JDP2: variants seen among roughly 807,000 people sequenced by gnomAD.
The protein encoded by JDP2 is Jun dimerization protein 2.
In JDP2, 9 loss-of-function variants were observed where a neutral mutation model predicts 17.1. That is an observed-to-expected ratio of 0.53 (90% CI 0.32 to 0.92). The LOEUF is 0.92. JDP2 is among the 40% of genes least tolerant of loss of function. The probability of loss-of-function intolerance (pLI) is 0.04; values close to 1 mark genes in which losing one functional copy is unlikely to be tolerated. For missense variants in JDP2, 179 were observed against 220.0 expected (o/e 0.81, Z 1.18); for synonymous variants, 107 against 95.6 (o/e 1.12, Z -0.69).
intron 2 of JDP2, among the ~76,000 whole-genome samples, chr14:75,449,016 C>T (rs989889914): frequency 3.3e-5 from 5 of 152,196 alleles, no homozygotes; most frequent in Non-Finnish European, 5.9e-5. Context: ...TGGCTGTGAA[C>T]GGTTTGGCCC....
At chr14:75,456,900 C>G (rs557761406) in intron 2 of JDP2, among the ~76,000 whole-genome samples, 1 of 152,178 alleles carries the variant, frequency 6.6e-6, no homozygotes, top group African/African-American at 2.4e-5. Flanking sequence ...CTGCTCTGCA[C>G]GAGGGCCCTC....
At chr14:75,446,913 A>C (rs936489802) in intron 2 of JDP2, among the ~76,000 whole-genome samples, 6 of 152,246 alleles carry the variant, frequency 3.9e-5, no homozygotes, top group Admixed American at 3.9e-4. Flanking sequence ...CAAATCCCCC[A>C]GTATGTAACA....
chr14:75,450,493 A>T (rs1016030811), intron 2 of JDP2, among the ~76,000 whole-genome samples: 2 of 152,234 alleles, frequency 1.3e-5, no homozygotes, highest in Non-Finnish European at 2.9e-5. Context: ...GCCCCCAGCC[A>T]TGGGAGCCGA....
At chr14:75,463,881 C>A (rs1886451022) in intron 3 of JDP2, among the ~76,000 whole-genome samples, 2 of 152,154 alleles carry the variant, frequency 1.3e-5, no homozygotes, top group South Asian at 4.1e-4. Context: ...ACAAGTGCTG[C>A]TCTAGGATGA....
chr14:75,465,589 C>T lies in JDP2; in HGVS notation c.307-3701C>T, dbSNP rs571142344. ...AAGTGATCCTCCTACCTCGGCCTCC[C>T]AAAGTTCTGGGATTACAGGTGTGAG... On this transcript the variant is annotated intron_variant, in intron 3 of 3. Transcript: ENST00000651602. Among the ~76,000 whole-genome samples the T allele has an allele frequency of 6.6e-5, 10 of 152,290 alleles. No individual in the cohort carries two copies. The South Asian group carries it at 1.9e-3, about 28-fold the overall frequency.
chr14:75,440,110 G>A (rs1458740059), intron 2 of JDP2, among the ~76,000 whole-genome samples: 1 of 152,196 alleles, frequency 6.6e-6, no homozygotes, highest in Non-Finnish European at 1.5e-5. Context: ...GGTGGCATCT[G>A]CCCTGTACCC....
In JDP2 at chr14:75,471,648, C is replaced by T. The variant is rs971020306; in HGVS notation, c.*2173C>T. ...TGTGATCCCTCCCTCGCTCACTCCTCTCAGTTTCCCTCCACCCAACACACT... is the reference window on the plus strand; with the variant it reads ...TGTGATCCCTCCCTCGCTCACTCCTTTCAGTTTCCCTCCACCCAACACACT... On this transcript the variant is annotated 3_prime_UTR_variant, in exon 4 of 4. Coordinates refer to ENST00000651602, the MANE Select transcript of JDP2 (RefSeq NM_001135048.2). The T allele has an allele frequency of 6.6e-6, 1 of 152,322 alleles. No individual in the cohort carries two copies. The highest frequency in any genetic ancestry group is 1.9e-4 in the East Asian group (1 of 5,186). The allele number at this position is 152,322 out of a possible 1,614,324, so 9.4% of individuals were successfully genotyped here. A position where few individuals can be genotyped will look rare whatever the true frequency, so the allele number is the denominator to read the frequency against.
Position 75,430,283 on chromosome 14 carries a change from A to C in JDP2, c.-24+2031A>C, listed in dbSNP as rs61979240. ...GTTTCCAGCTCCACTCTGGAAAGAA[A>C]GGGGCCAACGCCGACTCTAGGCCGG... is the stretch of plus-strand genomic sequence containing the variant. On this transcript the variant is annotated intron_variant, in intron 1 of 3. Coordinates refer to ENST00000651602, the MANE Select transcript of JDP2 (RefSeq NM_001135048.2). This position sits in a 1 kb window ranked among gnomAD's most constrained non-coding sequence, Gnocchi z 4.5. Among the ~76,000 whole-genome samples the C allele has an allele frequency of 0.015, 2,325 of 152,286 alleles. 23 individuals are homozygous for C. Among genetic ancestry groups the C allele is most frequent in the Non-Finnish European group, 0.023 (1,580 of 68,010 alleles).
chr14:75,456,120 C>T (rs1035518779), intron 2 of JDP2, among the ~76,000 whole-genome samples: 1 of 152,194 alleles, frequency 6.6e-6, no homozygotes, highest in Non-Finnish European at 1.5e-5. Context: ...TCTCAAACTC[C>T]CTTCAAGCCA....
chr14:75,461,090 A>T (rs1167852691), intron 2 of JDP2, among the ~76,000 whole-genome samples: 2 of 152,214 alleles, frequency 1.3e-5, no homozygotes, highest in Non-Finnish European at 2.9e-5. Flanking sequence ...ATTCATTAAT[A>T]TTGTTACTAA....
At chr14:75,443,151 C>T (rs367772903) in intron 2 of JDP2, among the ~76,000 whole-genome samples, 10 of 152,234 alleles carry the variant, frequency 6.6e-5, no homozygotes, top group Admixed American at 2.0e-4. Context: ...GACCAGAGAG[C>T]GGCCTTGGAA....
chr14:75,443,176 G>A (rs887575475), intron 2 of JDP2, among the ~76,000 whole-genome samples: 3 of 152,078 alleles, frequency 2.0e-5, no homozygotes, highest in African/African-American at 7.2e-5. Context: ...TGTTCACTCA[G>A]CCCCAGGTGG....
chr14:75,445,209 A>G (rs4899565), intron 2 of JDP2: 467,208 of 984,884 alleles, frequency 0.47, 114,128 homozygotes, highest in African/African-American at 0.78. Context: ...CCCAAAAGGC[A>G]CAAGGCAACC....
intron 2 of JDP2, among the ~76,000 whole-genome samples, chr14:75,452,565 A>AT (rs1415931572): frequency 6.6e-6 from 1 of 152,204 alleles, no homozygotes; most frequent in African/African-American, 2.4e-5. Flanking sequence ...CAGCCCACAG[A>AT]TGTGTTTTGT....
At chr14:75,437,606 T>C (rs1885127690) in intron 1 of JDP2, among the ~76,000 whole-genome samples, 1 of 152,246 alleles carries the variant, frequency 6.6e-6, no homozygotes, top group Non-Finnish European at 1.5e-5. Context: ...CCATGGGGCC[T>C]GGCACATACC....
rs1886301661 is a variant in JDP2, at chr14:75,460,413, A to AGCCTCCTC, written c.202-1013_202-1012insGCCTCCTC. On this transcript the variant is annotated intron_variant, in intron 2 of 3. Transcript: ENST00000651602. The stretch of plus-strand genomic sequence containing the variant: ...GCATTTGGAAAGGGCCAAGAAAGGA[A>AGCCTCCTC]CATTGGGTATGGAGGAGCGGGGAAG... Among the ~76,000 whole-genome samples the AGCCTCCTC allele has an allele frequency of 3.3e-5, 5 of 152,336 alleles. No individual in the cohort carries two copies. In the South Asian group the frequency reaches 8.3e-4, roughly 25 times the overall value.
chr14:75,454,744 T>C (rs1250224885), intron 2 of JDP2, among the ~76,000 whole-genome samples: 3 of 151,902 alleles, frequency 2.0e-5, no homozygotes, highest in Admixed American at 2.0e-4. Flanking sequence ...GAGCAGCAAG[T>C]ACAAACCCGG....
intron 2 of JDP2, among the ~76,000 whole-genome samples, chr14:75,448,289 G>A (rs1421969269): frequency 6.6e-6 from 1 of 152,162 alleles, no homozygotes; most frequent in Non-Finnish European, 1.5e-5. Context: ...GCATCTGGGA[G>A]CTTGTTAGAA....
rs1886779405 is a variant in JDP2 at position 75,470,502 on chromosome 14, C to T, written c.*1027C>T. 1 of 152,488 alleles carries T rather than the reference C, an allele frequency of 6.6e-6. No homozygotes were observed. The highest frequency in any genetic ancestry group is 1.5e-5 in the Non-Finnish European group (1 of 68,082). 9.4% of individuals were successfully genotyped at this position (152,488 alleles called of 1,614,324 possible). On this transcript the variant is annotated 3_prime_UTR_variant, in exon 4 of 4. Transcript: ENST00000651602. ...GCCTGGGGAATGGGTGCAAGGCCCT[C>T]TCAGGGTCGGAGACTGTTTGGAGCC...
Sources: allele counts gnomAD v4.1 joint callset (sites outside exome capture counted in the v4.1 genomes callset), GRCh38; gene constraint gnomAD v4.1.1; non-coding constraint Gnocchi (gnomAD v3.1); transcripts MANE v1.5; gene names NCBI Gene and HGNC (gene_info 2026-07-23, HGNC 2026-07-21).